The following SOX5 variants were observed in gnomAD, a reference collection of about 807,000 sequenced individuals.
SOX5 encodes the protein SRY-box transcription factor 5.
In SOX5, 9 loss-of-function variants were observed where a neutral mutation model predicts 92.0. That is an observed-to-expected ratio of 0.10 (90% confidence interval 0.06 to 0.17). SOX5 has a LOEUF of 0.17. Among genes scored for constraint, SOX5 ranks in the 10% least tolerant of loss-of-function variants. SOX5 has a pLI of 1.00. For synonymous variants in SOX5, 344 were observed against 336.3 expected, an observed-to-expected ratio of 1.02 and a Z score of -0.25; for missense variants, 642 against 944.5, an observed-to-expected ratio of 0.68 and a Z score of 4.20.
At chr12:24,439,346 C>T (rs74779886) in intron 1 of SOX5, among the ~76,000 whole-genome samples, 4,640 of 152,228 alleles carry the variant, frequency 0.03, 106 homozygotes, top group Admixed American at 0.044. Flanking sequence ...TGCTTTATTG[C>T]GGTGGTCTGG....
In SOX5 at chr12:24,444,303, T is replaced by TGC. The variant is rs1555297054; in HGVS notation, c.-250-75666_-250-75665dup. On this transcript the variant is annotated intron_variant, in intron 1 of 4. Transcript: ENST00000446891. The stretch of plus-strand genomic sequence containing the variant: ...GTGTGTGTGTGTGTGTGTGTGTGTG[T>TGC]GCACCCATGCACGTGTGTGATTATC... Among the ~76,000 whole-genome samples, 15 of 147,112 alleles carry TGC rather than the reference T, an allele frequency of 1.0e-4. No homozygotes were observed. The East Asian group carries it at 2.4e-3, about 23-fold the overall frequency.
intron 10 of SOX5, among the ~76,000 whole-genome samples, chr12:23,565,402 CCT>C (rs1450138953): frequency 2.6e-5 from 4 of 152,076 alleles, no homozygotes; most frequent in Admixed American, 2.6e-4. Context: ...TGCTCTAACC[CCT>C]GTTTATACAC....
intron 3 of SOX5, among the ~76,000 whole-genome samples, chr12:23,769,036 A>G (rs1349489412): frequency 6.6e-6 from 1 of 152,180 alleles, no homozygotes; most frequent in Non-Finnish European, 1.5e-5. Flanking sequence ...CCTATCATAC[A>G]GTAGGTATCA....
intron 1 of SOX5, among the ~76,000 whole-genome samples, chr12:24,447,570 TTAG>T (rs1941669734): frequency 6.6e-6 from 1 of 152,162 alleles, no homozygotes; most frequent in South Asian, 2.1e-4. Context: ...TAGAGTTGAC[TTAG>T]TAGCATTGTA....
At chr12:24,442,344 G>T (rs1215841338) in intron 1 of SOX5, among the ~76,000 whole-genome samples, 5 of 152,158 alleles carry the variant, frequency 3.3e-5, no homozygotes, top group African/African-American at 9.7e-5. Flanking sequence ...AGGCTCTAGG[G>T]ATTCGTTAGT....
At chr12:23,711,280 T>C (rs951860590) in intron 6 of SOX5, among the ~76,000 whole-genome samples, 5 of 152,174 alleles carry the variant, frequency 3.3e-5, no homozygotes, top group African/African-American at 4.8e-5. Flanking sequence ...CATTACACCA[T>C]AGGGTTGGAT....
chr12:23,661,045 GCTATATTTCA>G (rs2082975202), intron 7 of SOX5, among the ~76,000 whole-genome samples: 1 of 152,120 alleles, frequency 6.6e-6, no homozygotes, highest in African/African-American at 2.4e-5. Context: ...TCTATCTGTA[GCTATATTTCA>G]TATTCAGTTT....
intron 2 of SOX5, among the ~76,000 whole-genome samples, chr12:23,868,873 C>T (rs555747450): frequency 1.2e-4 from 18 of 152,128 alleles, no homozygotes; most frequent in African/African-American, 3.6e-4. Flanking sequence ...TTAAGCAATT[C>T]GCATACTCCA....
intron 9 of SOX5, among the ~76,000 whole-genome samples, chr12:23,578,117 C>CAAAAAAAAAAAAAAAAAAAAAAAAAAAAA (rs1163938652): frequency 1.4e-4 from 5 of 34,896 alleles, no homozygotes; most frequent in Non-Finnish European, 2.4e-4. Context: ...GAGACTGTGT[C>CAAAAAAAAAAAAAAAAAAAAAAAAAAAAA]AAAAAAAAAA....
chr12:24,302,495 T>TACAA (rs941924711), intron 2 of SOX5, among the ~76,000 whole-genome samples: 38 of 152,162 alleles, frequency 2.5e-4, no homozygotes, highest in African/African-American at 9.2e-4. Flanking sequence ...CTTCTTGCCA[T>TACAA]ACAAAACATG....
intron 4 of SOX5, among the ~76,000 whole-genome samples, chr12:24,099,331 A>C (rs137994723): frequency 0.012 from 1,882 of 152,270 alleles, 23 homozygotes; most frequent in Middle Eastern, 0.02. Flanking sequence ...GAAGATTATT[A>C]TTGGGATCAA....
At chr12:24,045,098 C>G (rs2137041716) in intron 4 of SOX5, among the ~76,000 whole-genome samples, 1 of 152,198 alleles carries the variant, frequency 6.6e-6, no homozygotes, top group Non-Finnish European at 1.5e-5. Flanking sequence ...TGCATAGCCT[C>G]AAAATATCCA....
chr12:23,643,967 C>T (rs2080484005), intron 7 of SOX5, among the ~76,000 whole-genome samples: 1 of 152,272 alleles, frequency 6.6e-6, no homozygotes, highest in Non-Finnish European at 1.5e-5. Context: ...GTGCAGACAG[C>T]CCCTAAGATA....
intron 10 of SOX5, among the ~76,000 whole-genome samples, chr12:23,569,788 C>T (rs1947822244): frequency 6.6e-6 from 1 of 152,286 alleles, no homozygotes; most frequent in South Asian, 2.1e-4. Flanking sequence ...TCTTACATAC[C>T]CTACACATGT....
At chr12:24,069,516 G>A (rs1941431989) in intron 4 of SOX5, among the ~76,000 whole-genome samples, 1 of 152,120 alleles carries the variant, frequency 6.6e-6, no homozygotes, top group South Asian at 2.1e-4. Flanking sequence ...TACAAGTGGA[G>A]AACCAATATC....
chr12:24,101,683 C>T (rs967723622), intron 4 of SOX5, among the ~76,000 whole-genome samples: 7 of 152,132 alleles, frequency 4.6e-5, no homozygotes, highest in Admixed American at 4.6e-4. Flanking sequence ...TTAATATTGA[C>T]TCTTTCCTCT....
At chr12:23,988,237 C>T (rs1191785551) in intron 4 of SOX5, among the ~76,000 whole-genome samples, 1 of 152,110 alleles carries the variant, frequency 6.6e-6, no homozygotes, top group Non-Finnish European at 1.5e-5. Flanking sequence ...CCATGTAATA[C>T]TTAAGATGCA....
intron 1 of SOX5, among the ~76,000 whole-genome samples, chr12:24,507,115 A>G (rs921061637): frequency 5.9e-5 from 9 of 152,044 alleles, no homozygotes; most frequent in African/African-American, 1.9e-4. Flanking sequence ...GTCTTAATGA[A>G]TGAAATAAAA....
intron 6 of SOX5, among the ~76,000 whole-genome samples, chr12:23,673,607 T>C (rs954566003): frequency 6.6e-6 from 1 of 152,158 alleles, no homozygotes; most frequent in African/African-American, 2.4e-5. Context: ...TCCCTATTAC[T>C]TTCTAATTTG....
Sources: allele counts gnomAD v4.1 joint callset (sites outside exome capture counted in the v4.1 genomes callset), GRCh38; gene constraint gnomAD v4.1.1; transcripts MANE v1.5; gene names NCBI Gene and HGNC (gene_info 2026-07-23, HGNC 2026-07-21).